The following PRKAG2 variants were observed in gnomAD, a reference collection of about 807,000 sequenced individuals.
PRKAG2 encodes protein kinase AMP-activated non-catalytic subunit gamma 2.
A neutral mutation model predicts 69.6 loss-of-function variants in PRKAG2; 26 were observed. That is an observed-to-expected ratio of 0.37 (90% CI 0.27 to 0.52). The LOEUF (loss-of-function observed/expected upper bound fraction) is 0.52, where lower values mean the gene tolerates loss of function less well. PRKAG2 is among the 20% of genes least tolerant of loss of function. The pLI is 0.90. For missense variants in PRKAG2, 557 were observed against 740.0 expected, an observed-to-expected ratio of 0.75 and a Z score of 2.87; for synonymous variants, 293 against 285.0, an observed-to-expected ratio of 1.03 and a Z score of -0.28.
intron 6 of PRKAG2, among the ~76,000 whole-genome samples, chr7:151,581,573 A>C (rs1420199239): frequency 1.3e-5 from 2 of 149,790 alleles, no homozygotes; most frequent in East Asian, 4.0e-4. Flanking sequence ...TCTCTGGTCA[A>C]ATAGTGTAAT....
At chr7:151,870,807 G>A (rs927562504) in intron 1 of PRKAG2, among the ~76,000 whole-genome samples, 1 of 152,244 alleles carries the variant, frequency 6.6e-6, no homozygotes, top group Non-Finnish European at 1.5e-5. Flanking sequence ...CACGCGGCGG[G>A]GGGAGGCACC....
rs150991836 is a variant in PRKAG2, at chr7:151,749,289, A to G, written c.466+31863T>C. Among the ~76,000 whole-genome samples, 926 of 152,274 alleles carry G rather than the reference A, an allele frequency of 6.1e-3. 4 individuals carry two copies. The highest frequency in any genetic ancestry group is 0.021 in the African/African-American group (876 of 41,554). ...TAGCAAGCAGACACCTGGAGGGGCA[A>G]TGAGACAGTCCCCCGTCCATCAGCC... On this transcript the variant is annotated intron_variant, in intron 3 of 15. Coordinates refer to ENST00000287878, the MANE Select transcript of PRKAG2 (RefSeq NM_016203.4).
intron 1 of PRKAG2, among the ~76,000 whole-genome samples, chr7:151,832,598 G>GGGC (rs978308469): frequency 6.6e-6 from 1 of 151,454 alleles, no homozygotes; most frequent in Non-Finnish European, 1.5e-5. Flanking sequence ...GCATCTCTGG[G>GGGC]GGGGGGGTCC....
intron 1 of PRKAG2, among the ~76,000 whole-genome samples, chr7:151,854,992 A>AT (rs1284948294): frequency 4.6e-5 from 1 of 21,874 alleles, no homozygotes; most frequent in East Asian, 1.1e-3. Context: ...TGCTCCACAC[A>AT]CACCATGCTC....
intron 3 of PRKAG2, among the ~76,000 whole-genome samples, chr7:151,753,794 G>A (rs1323728040): frequency 6.6e-6 from 1 of 151,764 alleles, no homozygotes; most frequent in Non-Finnish European, 1.5e-5. Context: ...AGCACTTTGG[G>A]AGGTCAAGGC....
intron 1 of PRKAG2, among the ~76,000 whole-genome samples, chr7:151,821,050 A>C: frequency 6.6e-6 from 1 of 152,286 alleles, no homozygotes; most frequent in Non-Finnish European, 1.5e-5. Context: ...GGCCAGAAGG[A>C]AAGCTGTGGA....
intron 3 of PRKAG2, among the ~76,000 whole-genome samples, chr7:151,726,151 G>T (rs935856628): frequency 6.6e-6 from 1 of 152,124 alleles, no homozygotes; most frequent in Non-Finnish European, 1.5e-5. Flanking sequence ...CTGCTAGTGG[G>T]GAAGCAGCTC....
intron 4 of PRKAG2, among the ~76,000 whole-genome samples, chr7:151,648,849 C>T (rs896579639): frequency 6.6e-6 from 1 of 151,782 alleles, no homozygotes; most frequent in Non-Finnish European, 1.5e-5. Flanking sequence ...AGACCCCCGT[C>T]TCTTTAAAAA....
Position 151,564,352 on chromosome 7 carries a change from C to T in PRKAG2, c.1438-128G>A, listed in dbSNP as rs760667839. 5 of 951,710 alleles carry T rather than the reference C, an allele frequency of 5.3e-6. No individual in the cohort carries two copies. The African/African-American group carries it at 6.5e-5, about 12-fold the overall frequency. The allele number at this position is 951,710 out of a possible 1,614,324, so 59.0% of individuals were successfully genotyped here. ...CTTATCTGAATTTAGTACCTGCATA[C>T]ATCAGACGTTCTTTCTGGCTTACGA... On this transcript the variant is annotated intron_variant, in intron 13 of 15. Transcript: ENST00000287878.
chr7:151,663,755 T>C (rs1031580305), intron 4 of PRKAG2, among the ~76,000 whole-genome samples: 4 of 152,212 alleles, frequency 2.6e-5, no homozygotes, highest in African/African-American at 4.8e-5. Flanking sequence ...TCCACGTCTT[T>C]AGTGAGGCAA....
chr7:151,614,143 C>T lies in PRKAG2; in HGVS notation c.754+17926G>A, dbSNP rs995179640. Among the ~76,000 whole-genome samples, 3 of 152,156 alleles carry T rather than the reference C, an allele frequency of 2.0e-5. No homozygotes were observed. The highest frequency in any genetic ancestry group is 1.3e-4 in the Admixed American group (2 of 15,284). ...GCCCCGTTCCCACGGCTATGCTGAG[C>T]GCCCCAGCCAGCACTCCAACACGGC... On this transcript the variant is annotated intron_variant, in intron 5 of 15. Coordinates refer to ENST00000287878, the MANE Select transcript of PRKAG2 (RefSeq NM_016203.4). The surrounding 1 kb of genome is among the most constrained non-coding windows in gnomAD (Gnocchi z 4.4).
chr7:151,687,018 T>A (rs187561317), intron 3 of PRKAG2, among the ~76,000 whole-genome samples: 1 of 152,358 alleles, frequency 6.6e-6, no homozygotes, highest in Admixed American at 6.5e-5. Flanking sequence ...TAGGGCTTTG[T>A]ATACCCAATA....
chr7:151,669,992 A>G (rs1403577095), intron 4 of PRKAG2, among the ~76,000 whole-genome samples: 1 of 119,444 alleles, frequency 8.4e-6, no homozygotes, highest in Admixed American at 8.3e-5. Flanking sequence ...ACACACTTGC[A>G]TGCATACACA....
chr7:151,842,865 C>T (rs189384758), intron 1 of PRKAG2, among the ~76,000 whole-genome samples: 3 of 152,024 alleles, frequency 2.0e-5, no homozygotes, highest in East Asian at 3.9e-4. Context: ...GAACTCTGAT[C>T]TTCTCAATTC....
At chr7:151,625,912 C>T (rs1822768711) in intron 5 of PRKAG2, among the ~76,000 whole-genome samples, 1 of 152,160 alleles carries the variant, frequency 6.6e-6, no homozygotes, top group Non-Finnish European at 1.5e-5. Context: ...AGCCCATATC[C>T]AGTGCTCCAG....
At chr7:151,821,788 G>A (rs1023314282) in intron 1 of PRKAG2, among the ~76,000 whole-genome samples, 2 of 152,276 alleles carry the variant, frequency 1.3e-5, no homozygotes, top group African/African-American at 2.4e-5. Context: ...GTGCTGGGAC[G>A]TTGGCTAAGT....
rs2076038927 is a variant in PRKAG2 at position 151,771,865 on chromosome 7, C to T, written c.466+9287G>A. Among the ~76,000 whole-genome samples, 1 of 152,148 alleles carries T rather than the reference C, an allele frequency of 6.6e-6. No individual in the cohort carries two copies. The highest frequency in any genetic ancestry group is 1.5e-5 in the Non-Finnish European group (1 of 68,026). On this transcript the variant is annotated intron_variant, in intron 3 of 15. Transcript: ENST00000287878. This position sits in a 1 kb window ranked among gnomAD's most constrained non-coding sequence, Gnocchi z 4.0. ...GGCTTACATATGACCCACTGAAATC[C>T]CTGGGTCAGTATAGCCATCATCTTG... is the stretch of plus-strand genomic sequence containing the variant.
intron 3 of PRKAG2, among the ~76,000 whole-genome samples, chr7:151,767,366 C>T (rs990086620): frequency 6.6e-6 from 1 of 152,262 alleles, no homozygotes; most frequent in South Asian, 2.1e-4. Context: ...TCTCAGCTTG[C>T]TGCAATCTCT....
In PRKAG2 at chr7:151,557,161, T is replaced by C; in HGVS notation, c.*40A>G. 1 of 1,614,130 alleles carries C rather than the reference T, an allele frequency of 6.2e-7. No homozygotes were observed. The highest frequency in any genetic ancestry group is 1.1e-5 in the South Asian group (1 of 91,082). On this transcript the variant is annotated 3_prime_UTR_variant, in exon 16 of 16. Transcript: ENST00000287878. The stretch of plus-strand genomic sequence containing the variant: ...GAGGCAAAACGTGACCCAGAGACTT[T>C]GTTCAAGTTCTCCTCCTAGGGCGTC...
Sources: gnomAD v4.1 joint callset for allele counts (sites outside exome capture counted in the v4.1 genomes callset) on GRCh38, gnomAD v4.1.1 for gene constraint, Gnocchi (gnomAD v3.1) non-coding constraint, MANE v1.5 for transcripts, NCBI Gene and HGNC (gene_info 2026-07-23, HGNC 2026-07-21) for gene names.